NRXN3: variants seen among roughly 807,000 people sequenced by gnomAD.
NRXN3 encodes the protein neurexin III.
NRXN3 carries 32 observed loss-of-function variants against 137.6 expected under a neutral mutation model. That is an observed-to-expected ratio of 0.23 (90% confidence interval 0.18 to 0.31). NRXN3 has a LOEUF of 0.31. Ranked by LOEUF, NRXN3 falls within the 10% of genes least tolerant of loss-of-function variation. The pLI, the probability that NRXN3 is intolerant of heterozygous loss-of-function variation, is 1.00. For missense variants in NRXN3, 1,574 were observed against 2,062.5 expected (o/e 0.76, Z 4.59); for synonymous variants, 798 against 784.5 (o/e 1.02, Z -0.29).
chr14:79,446,698 G>A (rs1217478322), intron 15 of NRXN3, among the ~76,000 whole-genome samples: 4 of 151,090 alleles, frequency 2.6e-5, no homozygotes, highest in African/African-American at 9.7e-5. Flanking sequence ...TAGTTAAATA[G>A]TTTCTCTCCT....
intron 15 of NRXN3, among the ~76,000 whole-genome samples, chr14:79,258,091 A>G (rs2077044394): frequency 6.6e-6 from 1 of 152,198 alleles, no homozygotes; most frequent in Non-Finnish European, 1.5e-5. Flanking sequence ...GACTGATTAG[A>G]GTCTTCAGAA....
intron 14 of NRXN3, among the ~76,000 whole-genome samples, chr14:78,987,543 C>T (rs1397086449): frequency 6.6e-6 from 1 of 152,080 alleles, no homozygotes; most frequent in Non-Finnish European, 1.5e-5. Context: ...TCTTCCTTCT[C>T]TTCATCATTA....
intron 19 of NRXN3, among the ~76,000 whole-genome samples, chr14:79,701,319 T>A (rs1219581384): frequency 1.3e-5 from 2 of 152,050 alleles, no homozygotes; most frequent in Non-Finnish European, 2.9e-5. Context: ...AACAATTATG[T>A]CATTAGATTT....
At chr14:79,826,009 T>TC (rs931410204) in intron 20 of NRXN3, among the ~76,000 whole-genome samples, 12 of 151,738 alleles carry the variant, frequency 7.9e-5, no homozygotes, top group Admixed American at 2.0e-4. Flanking sequence ...GATTTTTTTT[T>TC]TGTGGGGGGA....
At chr14:78,979,945 A>G (rs1301246018) in intron 14 of NRXN3, among the ~76,000 whole-genome samples, 2 of 152,178 alleles carry the variant, frequency 1.3e-5, no homozygotes, top group Non-Finnish European at 2.9e-5. Flanking sequence ...GTGGGAATTA[A>G]GGGAGCTACA....
chr14:79,070,966 A>C (rs2099686929), intron 15 of NRXN3, among the ~76,000 whole-genome samples: 1 of 152,186 alleles, frequency 6.6e-6, no homozygotes, highest in Non-Finnish European at 1.5e-5. Context: ...TATTAAGGCT[A>C]TGCATAGCAA....
At chr14:78,325,352 C>T (rs772000813) in intron 4 of NRXN3, among the ~76,000 whole-genome samples, 1 of 151,682 alleles carries the variant, frequency 6.6e-6, no homozygotes, top group Non-Finnish European at 1.5e-5. Context: ...GGCAGAAGTA[C>T]TCTGCCTTTC....
chr14:78,672,104 A>C (rs962460014), intron 6 of NRXN3, among the ~76,000 whole-genome samples: 2 of 152,224 alleles, frequency 1.3e-5, no homozygotes, highest in Non-Finnish European at 2.9e-5. Context: ...ATCATAAAGA[A>C]ATATAACAAA....
intron 4 of NRXN3, among the ~76,000 whole-genome samples, chr14:78,361,825 C>T (rs1407111689): frequency 6.6e-6 from 1 of 152,134 alleles, no homozygotes; most frequent in Non-Finnish European, 1.5e-5. Context: ...ATTTGTCAAG[C>T]TATTAGGATT....
intron 1 of NRXN3, among the ~76,000 whole-genome samples, chr14:78,200,337 G>A (rs113914366): frequency 3.9e-5 from 6 of 152,314 alleles, no homozygotes; most frequent in East Asian, 3.9e-4. Context: ...ACTGTGCATC[G>A]GTTGTGAATG....
chr14:79,283,064 CT>C (rs1432685758), intron 15 of NRXN3, among the ~76,000 whole-genome samples: 1 of 152,146 alleles, frequency 6.6e-6, no homozygotes, highest in East Asian at 1.9e-4. Context: ...TGTACACTTG[CT>C]TTTTCCTAGT....
At chr14:78,258,264 T>C (rs551528275) in intron 2 of NRXN3, among the ~76,000 whole-genome samples, 2 of 152,308 alleles carry the variant, frequency 1.3e-5, no homozygotes, top group African/African-American at 4.8e-5. Context: ...TATGCCCTTC[T>C]GGTTGTAGGA....
At chr14:79,095,065 AC>A (rs935781825) in intron 15 of NRXN3, among the ~76,000 whole-genome samples, 1 of 150,218 alleles carries the variant, frequency 6.7e-6, no homozygotes, top group African/African-American at 2.5e-5. Context: ...GTTGAATGTA[AC>A]TGAACTCCTA....
intron 15 of NRXN3, among the ~76,000 whole-genome samples, chr14:79,375,734 A>G (rs2094254241): frequency 6.6e-6 from 1 of 151,832 alleles, no homozygotes; most frequent in South Asian, 2.1e-4. Context: ...CTACTTCCCA[A>G]CCTTCCCTAG....
At chr14:78,558,048 C>A (rs1482804350) in intron 4 of NRXN3, among the ~76,000 whole-genome samples, 1 of 152,192 alleles carries the variant, frequency 6.6e-6, no homozygotes. Context: ...CCCAAGATGA[C>A]AGAGCTAGTA....
At chr14:78,514,667 A>G (rs1599726530) in intron 4 of NRXN3, among the ~76,000 whole-genome samples, 1 of 152,276 alleles carries the variant, frequency 6.6e-6, no homozygotes, top group South Asian at 2.1e-4. Flanking sequence ...TGCTGATTAC[A>G]TCTTAAGTAT....
intron 15 of NRXN3, among the ~76,000 whole-genome samples, chr14:79,196,879 A>T (rs2065211805): frequency 6.6e-6 from 1 of 152,126 alleles, no homozygotes; most frequent in Non-Finnish European, 1.5e-5. Context: ...GACAATAAAC[A>T]CTTATTTCTT....
intron 15 of NRXN3, among the ~76,000 whole-genome samples, chr14:79,130,161 G>A (rs1179846575): frequency 2.6e-5 from 4 of 151,030 alleles, no homozygotes; most frequent in African/African-American, 4.9e-5. Flanking sequence ...TTTAATTGGA[G>A]CATTTAGTCC....
rs79063588 is a variant in NRXN3, at chr14:79,032,856, C to A, written c.3262+44715C>A. Among the ~76,000 whole-genome samples the A allele has an allele frequency of 4.0e-3, 604 of 152,216 alleles. 3 individuals carry two copies. The highest frequency in any genetic ancestry group is 0.014 in the African/African-American group (575 of 41,548). ...TGCCCTGGAGCAAGTAATTTTACTG[C>A]TCTATGGTTCAGTTATTTTATCTGT... On this transcript the variant is annotated intron_variant, in intron 15 of 20. Transcript: ENST00000335750.
Sources: gnomAD v4.1 joint callset for allele counts (sites outside exome capture counted in the v4.1 genomes callset) on GRCh38, gnomAD v4.1.1 for gene constraint, MANE v1.5 for transcripts, NCBI Gene and HGNC (gene_info 2026-07-23, HGNC 2026-07-21) for gene names.